The following NIPAL3 variants were observed in gnomAD, a reference collection of about 807,000 sequenced individuals.
NIPAL3 encodes the protein NIPA like domain containing 3, also known as NIPA-like protein 3.
NIPAL3 carries 41 observed loss-of-function variants against 47.2 expected under a neutral mutation model. The observed-to-expected ratio is 0.87, with a 90% CI of 0.68 to 1.13. NIPAL3 has a LOEUF of 1.13. Ranked by LOEUF, NIPAL3 falls within the 50% of genes most tolerant of loss-of-function variation. The probability of loss-of-function intolerance (pLI) is 0.00; values close to 1 mark genes in which losing one functional copy is unlikely to be tolerated. For missense variants in NIPAL3, 449 were observed against 530.1 expected (o/e 0.85, Z 1.50); for synonymous variants, 194 against 209.6 (o/e 0.93, Z 0.64).
chr1:24,464,013 C>T lies in NIPAL3; in HGVS notation c.927-13C>T. On this transcript the variant is annotated splice_polypyrimidine_tract_variant and intron_variant, in intron 10 of 11. Transcript: ENST00000374399. ...GGCCTTATTTCTCTTCCTATCTTAT[C>T]TCCATTCCGCAGGTGCCTCATTGCA... The T allele has an allele frequency of 1.2e-6, 2 of 1,607,236 alleles. No individual in the cohort carries two copies. The highest frequency in any genetic ancestry group is 1.7e-6 in the Non-Finnish European group (2 of 1,175,370).
chr1:24,448,888 A>T (rs1012025150), intron 5 of NIPAL3, among the ~76,000 whole-genome samples: 26 of 152,342 alleles, frequency 1.7e-4, no homozygotes, highest in African/African-American at 6.3e-4. Flanking sequence ...TTATAACTCC[A>T]GGCTGGAGAC....
chr1:24,463,124 G>C (rs79409983), intron 10 of NIPAL3, among the ~76,000 whole-genome samples: 7,716 of 152,092 alleles, frequency 0.051, 202 homozygotes, highest in Non-Finnish European at 0.067. Flanking sequence ...GGAGGTGGAG[G>C]TTGCAGTGAG....
intron 2 of NIPAL3, among the ~76,000 whole-genome samples, chr1:24,432,137 A>G (rs1644907662): frequency 6.6e-6 from 1 of 151,920 alleles, no homozygotes; most frequent in African/African-American, 2.4e-5. Flanking sequence ...GATTATATAT[A>G]TATATTTTTG....
intron 7 of NIPAL3, among the ~76,000 whole-genome samples, chr1:24,455,152 A>G (rs1277890308): frequency 6.6e-6 from 1 of 152,210 alleles, no homozygotes; most frequent in Non-Finnish European, 1.5e-5. Flanking sequence ...GCTGAAGAAT[A>G]GGAAAGCAAA....
chr1:24,457,688 C>T lies in NIPAL3; in HGVS notation c.774-1200C>T, dbSNP rs755728473. 1.3e-4 allele frequency: 70 copies of T among 521,720 alleles called. 1 individual carries two copies. Among genetic ancestry groups the T allele is most frequent in the African/African-American group, 1.1e-3 (58 of 51,872 alleles). The allele number at this position is 521,720 out of a possible 1,614,324, so 32.3% of individuals were successfully genotyped here. On this transcript the variant is annotated intron_variant, in intron 8 of 11. Coordinates refer to ENST00000374399, the MANE Select transcript of NIPAL3 (RefSeq NM_020448.5). ...GAGATCTGAACCCAGGTGTCTGGCT[C>T]CCCAGCCCATGCCCTCACTGCTCTG...
Position 24,463,380 on chromosome 1 carries a change from G to A in NIPAL3, c.927-646G>A, listed in dbSNP as rs141093806. 3.3e-5 allele frequency among the ~76,000 whole-genome samples: 5 copies of A among 152,246 alleles called. No homozygotes were observed. In the East Asian group the frequency reaches 5.8e-4, roughly 18 times the overall value. On this transcript the variant is annotated intron_variant, in intron 10 of 11. Coordinates refer to ENST00000374399, the MANE Select transcript of NIPAL3 (RefSeq NM_020448.5). Reference sequence around the variant, plus strand: ...AAGGGCTGGCATGAAATGGAAAGGGGCCCAGGAAAACTTTCTGAGGGGGAT... The same window carrying A: ...AAGGGCTGGCATGAAATGGAAAGGGACCCAGGAAAACTTTCTGAGGGGGAT...
Position 24,471,824 on chromosome 1 carries a change from A to C in NIPAL3, c.*2639A>C, listed in dbSNP as rs1337673732. ...ACAAAAAACAAAAAGCAGAAATTAAAATCAGGTTTCACTGCTATTTATATA... is the reference window on the plus strand; with the variant it reads ...ACAAAAAACAAAAAGCAGAAATTAACATCAGGTTTCACTGCTATTTATATA... On this transcript the variant is annotated 3_prime_UTR_variant, in exon 12 of 12. Transcript: ENST00000374399. 2 of 152,068 alleles carry C rather than the reference A, an allele frequency of 1.3e-5. No individual in the cohort carries two copies. The highest frequency in any genetic ancestry group is 2.4e-5 in the African/African-American group (1 of 41,394). 9.4% of individuals were successfully genotyped at this position (152,068 alleles called of 1,614,324 possible).
chr1:24,444,701 C>T (rs901251466), intron 4 of NIPAL3, among the ~76,000 whole-genome samples: 29 of 152,110 alleles, frequency 1.9e-4, no homozygotes, highest in Non-Finnish European at 4.0e-4. Context: ...CATCTGTGAA[C>T]GTGTAAGAGC....
rs1327414765 is a variant in NIPAL3 at position 24,453,433 on chromosome 1, T to G, written c.566T>G (p.Leu189Trp). ...CTGGTGGAGATCATTCTGTTCTGCT[T>G]GCTGCTCTACTTCTACAAGGAGAAG... Reference protein sequence around the residue: ...YMLVEIILFCLLLYFYKEKNA... With the variant: ...YMLVEIILFCWLLYFYKEKNA... The change falls in exon 7 of 12, where the codon TTG becomes TGG. Residue 189 changes from leucine to tryptophan, a missense_variant. Physicochemically the swap from Leu to Trp is moderately conservative, Grantham distance 61. Coordinates refer to ENST00000374399, the MANE Select transcript of NIPAL3 (RefSeq NM_020448.5). 1.2e-6 allele frequency: 2 copies of G among 1,613,540 alleles called. No individual in the cohort carries two copies. Among genetic ancestry groups the G allele is most frequent in the Non-Finnish European group, 1.7e-6 (2 of 1,179,852 alleles).
chr1:24,437,598 G>A (rs1343667584), intron 2 of NIPAL3, among the ~76,000 whole-genome samples: 1 of 152,162 alleles, frequency 6.6e-6, no homozygotes, highest in East Asian at 1.9e-4. Context: ...GAACCAGGAG[G>A]TCTGGAACCA....
intron 7 of NIPAL3, 85 bp from the exon 8 acceptor site, chr1:24,456,053 C>G: frequency 6.6e-7 from 1 of 1,504,454 alleles, no homozygotes; most frequent in Non-Finnish European, 9.2e-7. Context: ...CTCCCCAAGT[C>G]CTTTGGGGTT....
At chr1:24,418,734 C>A (rs1274750236) in intron 1 of NIPAL3, among the ~76,000 whole-genome samples, 1 of 152,172 alleles carries the variant, frequency 6.6e-6, no homozygotes, top group Non-Finnish European at 1.5e-5. Context: ...GCAACTGAAT[C>A]TCTGAGAGGC....
chr1:24,454,649 C>T lies in NIPAL3; in HGVS notation c.637+1145C>T. Reference sequence around the variant, plus strand: ...GTATTTCATAGAGTTGTGAAACCATCATCCTAATCTAATTTTAGAACATTT... The same window carrying T: ...GTATTTCATAGAGTTGTGAAACCATTATCCTAATCTAATTTTAGAACATTT... On this transcript the variant is annotated intron_variant, in intron 7 of 11. Coordinates refer to ENST00000374399, the MANE Select transcript of NIPAL3 (RefSeq NM_020448.5). This position sits in a 1 kb window ranked among gnomAD's most constrained non-coding sequence, Gnocchi z 4.1. The T allele has an allele frequency of 1.4e-6, 1 of 699,380 alleles. No individual in the cohort carries two copies. The highest frequency in any genetic ancestry group is 1.8e-6 in the Non-Finnish European group (1 of 569,008). The allele number at this position is 699,380 out of a possible 1,614,324, so 43.3% of individuals were successfully genotyped here. A position where few individuals can be genotyped will look rare whatever the true frequency, so the allele number is the denominator to read the frequency against.
chr1:24,460,025 T>C (rs1421156951), intron 9 of NIPAL3, among the ~76,000 whole-genome samples: 1 of 152,134 alleles, frequency 6.6e-6, no homozygotes, highest in Non-Finnish European at 1.5e-5. Context: ...GTTAGAAAGC[T>C]CTAACAGCAT....
intron 2 of NIPAL3, among the ~76,000 whole-genome samples, chr1:24,427,036 T>C (rs1041376946): frequency 5.3e-5 from 8 of 152,160 alleles, no homozygotes; most frequent in African/African-American, 1.9e-4. Flanking sequence ...GCTCCACCCC[T>C]AAAATAACCC....
chr1:24,431,904 C>T (rs2148780980), intron 2 of NIPAL3, among the ~76,000 whole-genome samples: 1 of 151,368 alleles, frequency 6.6e-6, no homozygotes, highest in East Asian at 1.9e-4. Context: ...TCAGAGATGT[C>T]TTCCTTGACC....
chr1:24,427,671 A>G (rs560887618), intron 2 of NIPAL3, among the ~76,000 whole-genome samples: 45 of 152,308 alleles, frequency 3.0e-4, no homozygotes, highest in African/African-American at 1.0e-3. Context: ...TCAGGCTTAG[A>G]TGCTAAAAAT....
chr1:24,440,441 C>A (rs1645325751), intron 3 of NIPAL3, among the ~76,000 whole-genome samples: 2 of 152,170 alleles, frequency 1.3e-5, no homozygotes, highest in African/African-American at 4.8e-5. Flanking sequence ...GCCCTCCTAG[C>A]CAGGTCCTCA....
intron 4 of NIPAL3, 145 bp downstream of exon 4, chr1:24,442,371 A>G: frequency 1.3e-6 from 1 of 772,476 alleles, no homozygotes; most frequent in Non-Finnish European, 2.0e-6. Flanking sequence ...CAGACACACC[A>G]GGCCCTGTAA....
Sources: allele counts gnomAD v4.1 joint callset (sites outside exome capture counted in the v4.1 genomes callset), GRCh38; gene constraint gnomAD v4.1.1; non-coding constraint Gnocchi (gnomAD v3.1); transcripts MANE v1.5; gene names NCBI Gene and HGNC (gene_info 2026-07-23, HGNC 2026-07-21).